Variants in KCTD21 observed in about 807,000 individuals in gnomAD.
KCTD21 encodes BTB/POZ domain-containing protein KCTD21.
KCTD21 carries 9 observed loss-of-function variants against 13.2 expected under a neutral mutation model. The observed-to-expected ratio is 0.68, with a 90% CI of 0.41 to 1.19. KCTD21 has a LOEUF of 1.19. KCTD21 is among the 50% of genes most tolerant of loss of function. The probability of loss-of-function intolerance (pLI) is 0.01; values close to 1 mark genes in which losing one functional copy is unlikely to be tolerated. For missense variants in KCTD21, 303 were observed against 336.5 expected (o/e 0.90, Z 0.78); for synonymous variants, 142 against 137.4 (o/e 1.03, Z -0.23).
rs1862318491 is a variant in KCTD21 at position 78,172,858 on chromosome 11, GCGCTCATCTTCAGATGTGCTGGGGTGTT to G, written c.*886_*913del. On this transcript the variant is annotated 3_prime_UTR_variant, in exon 2 of 2. Coordinates refer to ENST00000340067, the MANE Select transcript of KCTD21 (RefSeq NM_001029859.3). ...ATCACTTGCAGGTACCCAGGGAGAG[GCGCTCATCTTCAGATGTGCTGGGGTGTT>G]CTAGGGGTGGGGGAGGACTAAGCAA... is the stretch of plus-strand genomic sequence containing the variant. 1 of 152,562 alleles carries G rather than the reference GCGCTCATCTTCAGATGTGCTGGGGTGTT, an allele frequency of 6.6e-6. No homozygotes were observed. Among genetic ancestry groups the G allele is most frequent in the Admixed American group, 6.5e-5 (1 of 15,274 alleles). 9.5% of individuals were successfully genotyped at this position (152,562 alleles called of 1,614,324 possible). A position where few individuals can be genotyped will look rare whatever the true frequency, so the allele number is the denominator to read the frequency against.
chr11:78,187,057 G>A, intron 1 of KCTD21: 1 of 985,438 alleles, frequency 1.0e-6, no homozygotes, highest in Non-Finnish European at 1.2e-6. Context: ...AAAGGGATGT[G>A]ACAAGGCCGA....
At chr11:78,181,343 A>G (rs1862612858) in intron 1 of KCTD21, among the ~76,000 whole-genome samples, 1 of 152,250 alleles carries the variant, frequency 6.6e-6, no homozygotes, top group African/African-American at 2.4e-5. Flanking sequence ...GAACTACTAA[A>G]AGACATTACC....
At chr11:78,185,992 G>A (rs1008358401) in intron 1 of KCTD21, among the ~76,000 whole-genome samples, 4 of 152,036 alleles carry the variant, frequency 2.6e-5, no homozygotes, top group African/African-American at 9.7e-5. Context: ...TCTGTAACTC[G>A]GCAGGAAAGA....
Position 78,172,490 on chromosome 11 carries a change from G to A in KCTD21, c.*1282C>T, listed in dbSNP as rs1360441732. 1.3e-5 allele frequency: 2 copies of A among 152,248 alleles called. No homozygotes were observed. The highest frequency in any genetic ancestry group is 1.9e-4 in the East Asian group (1 of 5,196). The allele number at this position is 152,248 out of a possible 1,614,324, so 9.4% of individuals were successfully genotyped here. On this transcript the variant is annotated 3_prime_UTR_variant, in exon 2 of 2. Transcript: ENST00000340067. ...GATGGTGGGGAAGGTGGGTGAAGTG[G>A]GGGTCACAAACGAGGTGAAGCTACA...
rs1277080152 is a variant in KCTD21 at position 78,172,213 on chromosome 11, G to C, written c.*1559C>G. On this transcript the variant is annotated 3_prime_UTR_variant, in exon 2 of 2. Coordinates refer to ENST00000340067, the MANE Select transcript of KCTD21 (RefSeq NM_001029859.3). Reference sequence around the variant, plus strand: ...ATCACCCGGTGGGAAGCAGTGCTTGGGTTGCTTGCCCTGGATGGCACCCTA... The same window carrying C: ...ATCACCCGGTGGGAAGCAGTGCTTGCGTTGCTTGCCCTGGATGGCACCCTA... 1 of 152,356 alleles carries C rather than the reference G, an allele frequency of 6.6e-6. No individual in the cohort carries two copies. Among genetic ancestry groups the C allele is most frequent in the Non-Finnish European group, 1.5e-5 (1 of 68,164 alleles). 9.4% of individuals were successfully genotyped at this position (152,356 alleles called of 1,614,324 possible).
intron 1 of KCTD21, among the ~76,000 whole-genome samples, chr11:78,181,859 A>T (rs2137002039): frequency 6.6e-6 from 1 of 152,326 alleles, no homozygotes; most frequent in South Asian, 2.1e-4. Flanking sequence ...GTTGTGACCT[A>T]TTGGCAAGTC....
intron 1 of KCTD21, chr11:78,188,175 G>A: frequency 1.0e-6 from 1 of 985,220 alleles, no homozygotes; most frequent in African/African-American, 1.7e-5. Context: ...ACCCAGGCTG[G>A]CCTCATCGGC....
chr11:78,173,081 T>C lies in KCTD21; in HGVS notation c.*691A>G, dbSNP rs1333546339. On this transcript the variant is annotated 3_prime_UTR_variant, in exon 2 of 2. Coordinates refer to ENST00000340067, the MANE Select transcript of KCTD21 (RefSeq NM_001029859.3). ...AGATACTTGCACATTTTTGCAAAGATAGCAGACCCTTTCTAAAGCCAGGAA... is the reference window on the plus strand; with the variant it reads ...AGATACTTGCACATTTTTGCAAAGACAGCAGACCCTTTCTAAAGCCAGGAA... 6.6e-6 allele frequency: 1 copy of C among 152,400 alleles called. No individual in the cohort carries two copies. Among genetic ancestry groups the C allele is most frequent in the Non-Finnish European group, 1.5e-5 (1 of 68,058 alleles). 9.4% of individuals were successfully genotyped at this position (152,400 alleles called of 1,614,324 possible).
chr11:78,175,807 T>G (rs955692789), intron 1 of KCTD21, among the ~76,000 whole-genome samples: 1 of 152,166 alleles, frequency 6.6e-6, no homozygotes, highest in Non-Finnish European at 1.5e-5. Context: ...TATGTATACA[T>G]GCGCCATGCT....
intron 1 of KCTD21, among the ~76,000 whole-genome samples, chr11:78,177,582 CTTCCCTGT>C (rs139190873): frequency 0.022 from 3,316 of 152,294 alleles, 118 homozygotes; most frequent in African/African-American, 0.067. Context: ...CCAGAATCTT[CTTCCCTGT>C]TGCCCTCTTT....
intron 1 of KCTD21, chr11:78,186,935 T>C (rs73505297): frequency 3.0e-6 from 3 of 985,310 alleles, no homozygotes; most frequent in South Asian, 4.7e-5. Context: ...GCACGTAGAA[T>C]AGGGGAAGAG....
intron 1 of KCTD21, among the ~76,000 whole-genome samples, chr11:78,179,014 C>A (rs761658681): frequency 6.6e-6 from 1 of 152,074 alleles, no homozygotes; most frequent in African/African-American, 2.4e-5. Flanking sequence ...CAGACTAAAT[C>A]CTTCGTCCAG....
In KCTD21 at chr11:78,171,655, C is replaced by T. The variant is rs1236187196; in HGVS notation, c.*2117G>A. ...GCTGTCTTTTTTTGGGATGGAGTCT[C>T]TCTGCAATGGCACACTCTCAGCTCA... On this transcript the variant is annotated 3_prime_UTR_variant, in exon 2 of 2. Coordinates refer to ENST00000340067, the MANE Select transcript of KCTD21 (RefSeq NM_001029859.3). 6.6e-6 allele frequency: 1 copy of T among 152,234 alleles called. No individual in the cohort carries two copies. The highest frequency in any genetic ancestry group is 1.5e-5 in the Non-Finnish European group (1 of 68,062). The allele number at this position is 152,234 out of a possible 1,614,324, so 9.4% of individuals were successfully genotyped here.
intron 1 of KCTD21, among the ~76,000 whole-genome samples, chr11:78,183,915 G>A (rs572403383): frequency 1.1e-4 from 16 of 152,098 alleles, no homozygotes; most frequent in Non-Finnish European, 2.4e-4. Context: ...GATTACAGGC[G>A]TGAGCCACCG....
At chr11:78,184,498 G>A (rs965347103) in intron 1 of KCTD21, among the ~76,000 whole-genome samples, 10 of 151,920 alleles carry the variant, frequency 6.6e-5, no homozygotes, top group African/African-American at 1.7e-4. Context: ...CACCATGTCC[G>A]GCTAATTTTT....
chr11:78,186,769 T>C (rs1862787222), intron 1 of KCTD21: 1 of 985,506 alleles, frequency 1.0e-6, no homozygotes, highest in East Asian at 1.1e-4. Flanking sequence ...ACAAATCCCA[T>C]GCATCGGCCA....
Position 78,174,208 on chromosome 11 carries a change from A to C in KCTD21, c.347T>G (p.Leu116Arg), listed in dbSNP as rs1478772403. The C allele has an allele frequency of 6.2e-7, 1 of 1,614,044 alleles. No individual in the cohort carries two copies. The highest frequency in any genetic ancestry group is 8.5e-7 in the Non-Finnish European group (1 of 1,179,994). ...GTGGACCGTCTGCACACGCTGGTTC[A>C]GTGTGATGTTGAGCATGGCATTCTT... is the stretch of plus-strand genomic sequence containing the variant. ...AEKNAMLNIT[L>R]NQRVQTVHFT... is the part of the protein sequence containing the mutation. Residue 116 changes from leucine (L) to arginine (R), a missense_variant, in exon 2 of 2, where the codon CTG becomes CGG. Coordinates refer to ENST00000340067, the MANE Select transcript of KCTD21 (RefSeq NM_001029859.3).
chr11:78,187,223 G>A (rs1862806725), intron 1 of KCTD21: 1 of 985,188 alleles, frequency 1.0e-6, no homozygotes, highest in South Asian at 4.7e-5. Flanking sequence ...CCGGAGAAAG[G>A]ACTCTTTGCC....
intron 1 of KCTD21, among the ~76,000 whole-genome samples, chr11:78,176,666 G>C (rs1862456558): frequency 6.6e-6 from 1 of 152,174 alleles, no homozygotes; most frequent in African/African-American, 2.4e-5. Flanking sequence ...TAGAAGATGT[G>C]GGAGATGGTC....
Sources: allele counts gnomAD v4.1 joint callset (sites outside exome capture counted in the v4.1 genomes callset), GRCh38; gene constraint gnomAD v4.1.1; transcripts MANE v1.5; gene names NCBI Gene and HGNC (gene_info 2026-07-23, HGNC 2026-07-21).